Variants in C8orf34 observed in about 807,000 individuals in gnomAD.
C8orf34 encodes chromosome 8 open reading frame 34.
C8orf34 carries 65 observed loss-of-function variants against 68.3 expected under a neutral mutation model. That is an observed-to-expected ratio of 0.95 (90% CI 0.78 to 1.17). C8orf34 has a LOEUF of 1.17. C8orf34 is among the 50% of genes most tolerant of loss of function. The pLI, the probability that C8orf34 is intolerant of heterozygous loss-of-function variation, is 0.00. For missense variants in C8orf34, 664 were observed against 655.4 expected (o/e 1.01, Z -0.14); for synonymous variants, 244 against 241.2 (o/e 1.01, Z -0.11).
At chr8:68,432,411 AG>A (rs1345021061) in intron 1 of C8orf34, among the ~76,000 whole-genome samples, 1 of 151,954 alleles carries the variant, frequency 6.6e-6, no homozygotes, top group South Asian at 2.1e-4. Context: ...CCTGGGTTCA[AG>A]TGATCTTCCT....
intron 7 of C8orf34, among the ~76,000 whole-genome samples, chr8:68,559,703 C>G (rs574118820): frequency 3.1e-4 from 47 of 152,274 alleles, no homozygotes; most frequent in African/African-American, 1.1e-3. Context: ...AAAATTAAAT[C>G]TGAACATGAT....
At chr8:68,343,794 A>G (rs916655926) in intron 1 of C8orf34, among the ~76,000 whole-genome samples, 24 of 152,132 alleles carry the variant, frequency 1.6e-4, no homozygotes, top group South Asian at 6.2e-4. Context: ...GGGTTTCACC[A>G]TGTTGGTTAG....
chr8:68,475,269 T>A (rs544608432), intron 4 of C8orf34, among the ~76,000 whole-genome samples: 1 of 152,204 alleles, frequency 6.6e-6, no homozygotes, highest in Non-Finnish European at 1.5e-5. Flanking sequence ...CTGGGGTAGA[T>A]TTGCATCCCC....
At chr8:68,406,530 T>G (rs1227206247) in intron 1 of C8orf34, among the ~76,000 whole-genome samples, 1 of 152,066 alleles carries the variant, frequency 6.6e-6, no homozygotes, top group Non-Finnish European at 1.5e-5. Context: ...AGAGTCTTGC[T>G]CTGTCACCCA....
At chr8:68,444,440 G>A (rs1464652686) in intron 2 of C8orf34, among the ~76,000 whole-genome samples, 1 of 151,742 alleles carries the variant, frequency 6.6e-6, no homozygotes, top group African/African-American at 2.4e-5. Context: ...CCTCTCCATT[G>A]TGAATACTGT....
In C8orf34 at chr8:68,809,895, G is replaced by A. The variant is rs916938663; in HGVS notation, c.1550-5991G>A. 2.6e-5 allele frequency among the ~76,000 whole-genome samples: 4 copies of A among 152,174 alleles called. No individual in the cohort carries two copies. The East Asian group carries it at 7.7e-4, about 29-fold the overall frequency. On this transcript the variant is annotated intron_variant, in intron 12 of 13. Transcript: ENST00000518698. ...AGGCATAATAAAGATGGCATGTGAC[G>A]ATTAAAAAGAAGAGCTCTAAGCACA... is the stretch of plus-strand genomic sequence containing the variant.
At chr8:68,375,181 T>C (rs1346688749) in intron 1 of C8orf34, among the ~76,000 whole-genome samples, 1 of 152,198 alleles carries the variant, frequency 6.6e-6, no homozygotes, top group African/African-American at 2.4e-5. Context: ...TAAAGTGACA[T>C]AGAAAGTTGA....
At chr8:68,440,343 C>T (rs747342503) in intron 2 of C8orf34, among the ~76,000 whole-genome samples, 1 of 152,150 alleles carries the variant, frequency 6.6e-6, no homozygotes, top group Non-Finnish European at 1.5e-5. Flanking sequence ...AAATGACTTT[C>T]CTTGGATGGC....
chr8:68,690,958 G>T (rs1025075663), intron 8 of C8orf34, among the ~76,000 whole-genome samples: 1 of 151,984 alleles, frequency 6.6e-6, no homozygotes, highest in African/African-American at 2.4e-5. Context: ...CTTTCCTTCT[G>T]GTCTAGGGAG....
intron 8 of C8orf34, among the ~76,000 whole-genome samples, chr8:68,682,014 G>T (rs535709815): frequency 5.3e-4 from 81 of 152,200 alleles, no homozygotes; most frequent in African/African-American, 1.9e-3. Context: ...GGTTGCCAGA[G>T]ACTAAAGGGT....
chr8:68,439,480 T>C lies in C8orf34; in HGVS notation c.328-19T>C. 6 of 1,606,876 alleles carry C rather than the reference T, an allele frequency of 3.7e-6. No homozygotes were observed. Among genetic ancestry groups the C allele is most frequent in the Non-Finnish European group, 4.2e-6 (5 of 1,177,392 alleles). On this transcript the variant is annotated intron_variant, in intron 1 of 13. Transcript: ENST00000518698. Reference sequence around the variant, plus strand: ...GCTGTTATTATTAATTATAATTGTGTGCTCTATTCTGCCTTCAGGAATTAA... The same window carrying C: ...GCTGTTATTATTAATTATAATTGTGCGCTCTATTCTGCCTTCAGGAATTAA...
chr8:68,635,902 A>G (rs1050572549), intron 7 of C8orf34, among the ~76,000 whole-genome samples: 1 of 152,212 alleles, frequency 6.6e-6, no homozygotes, highest in African/African-American at 2.4e-5. Context: ...TGTGGAAATA[A>G]ATGAAGACTA....
intron 10 of C8orf34, among the ~76,000 whole-genome samples, chr8:68,750,598 G>A (rs928235334): frequency 2.6e-5 from 4 of 151,948 alleles, no homozygotes; most frequent in East Asian, 1.9e-4. Flanking sequence ...AATATAAAAC[G>A]GTAAATGTTA....
chr8:68,721,295 T>C (rs1821667494), intron 9 of C8orf34, 66 bp from the exon 10 acceptor site: 2 of 1,034,202 alleles, frequency 1.9e-6, no homozygotes, highest in Non-Finnish European at 2.9e-6. Flanking sequence ...ACAACAGGTT[T>C]ATATATCAGA....
At chr8:68,371,742 G>A (rs1021611327) in intron 1 of C8orf34, among the ~76,000 whole-genome samples, 18 of 151,910 alleles carry the variant, frequency 1.2e-4, no homozygotes, top group African/African-American at 3.9e-4. Context: ...TGGGATTACA[G>A]GCATGCACCA....
intron 1 of C8orf34, among the ~76,000 whole-genome samples, chr8:68,426,260 G>A (rs1810210701): frequency 1.3e-5 from 2 of 152,046 alleles, no homozygotes; most frequent in Admixed American, 1.3e-4. Flanking sequence ...GCTCACACCT[G>A]TAATCCCAGC....
At chr8:68,671,631 T>C (rs1820013501) in intron 8 of C8orf34, among the ~76,000 whole-genome samples, 1 of 152,212 alleles carries the variant, frequency 6.6e-6, no homozygotes, top group Admixed American at 6.5e-5. Context: ...TGGTTTCAAT[T>C]TGTAGTTGTG....
chr8:68,431,538 G>A (rs537375364), intron 1 of C8orf34, among the ~76,000 whole-genome samples: 9 of 152,270 alleles, frequency 5.9e-5, no homozygotes, highest in African/African-American at 2.2e-4. Flanking sequence ...GTTGAGGAGT[G>A]TAATCCTTAA....
chr8:68,592,531 T>A (rs1397824155), intron 7 of C8orf34, among the ~76,000 whole-genome samples: 1 of 151,932 alleles, frequency 6.6e-6, no homozygotes, highest in African/African-American at 2.4e-5. Flanking sequence ...AATTTTGTGT[T>A]ACTTCTGTTA....
Sources: allele counts gnomAD v4.1 joint callset (sites outside exome capture counted in the v4.1 genomes callset), GRCh38; gene constraint gnomAD v4.1.1; transcripts MANE v1.5; gene names NCBI Gene and HGNC (gene_info 2026-07-23, HGNC 2026-07-21).